The following TRPV4 variants were observed in gnomAD, a reference collection of about 807,000 sequenced individuals.
TRPV4 encodes OSM9-like transient receptor potential channel 4.
TRPV4 carries 58 observed loss-of-function variants against 84.1 expected under a neutral mutation model. The ratio of observed to expected loss-of-function variants is 0.69; its 90% CI spans 0.56 to 0.86. The LOEUF (loss-of-function observed/expected upper bound fraction) is 0.86, where lower values mean the gene tolerates loss of function less well. Among genes scored for constraint, TRPV4 ranks in the 40% least tolerant of loss-of-function variants. The pLI is 0.00. For missense variants in TRPV4, 879 were observed against 1,181.1 expected (o/e 0.74, Z 3.75); for synonymous variants, 489 against 500.9 (o/e 0.98, Z 0.32).
At position 109,799,001 on chromosome 12, in the gene TRPV4, C is replaced by T. The variant is rs892271449; in HGVS notation, c.854-89G>A. The T allele has an allele frequency of 1.3e-4, 169 of 1,280,974 alleles. 1 individual carries two copies. In the Middle Eastern group the frequency reaches 3.1e-3, roughly 23 times the overall value. 79.4% of individuals were successfully genotyped at this position (1,280,974 alleles called of 1,614,324 possible). ...GACACTCGGGGGACGGACACCGTGG[C>T]GCTCTGAGGATAATGACGGAGACAG... On this transcript the variant is annotated intron_variant, in intron 5 of 15. Transcript: ENST00000261740.
intron 1 of TRPV4, among the ~76,000 whole-genome samples, chr12:109,829,036 T>C (rs990152316): frequency 5.9e-5 from 9 of 151,962 alleles, no homozygotes; most frequent in African/African-American, 2.2e-4. Context: ...ACCTTTTTTT[T>C]TAATAAGCTG....
intron 3 of TRPV4, among the ~76,000 whole-genome samples, chr12:109,807,564 A>G (rs996619251): frequency 6.6e-6 from 1 of 151,980 alleles, no homozygotes; most frequent in African/African-American, 2.4e-5. Flanking sequence ...ACACTTCTTG[A>G]CATGGTATCT....
At position 109,784,301 on chromosome 12, in the gene TRPV4, C is replaced by A. The variant is rs372913114; in HGVS notation, c.2458+15G>T. 1 of 1,614,058 alleles carries A rather than the reference C, an allele frequency of 6.2e-7. No individual in the cohort carries two copies. Among genetic ancestry groups the A allele is most frequent in the Non-Finnish European group, 8.5e-7 (1 of 1,179,984 alleles). ...ATGGACTGGGGCTCCCCTCCGCACCCGCCCCTCCACTCACCCCTGCGGAGG... is the reference window on the plus strand; with the variant it reads ...ATGGACTGGGGCTCCCCTCCGCACCAGCCCCTCCACTCACCCCTGCGGAGG... On this transcript the variant is annotated intron_variant, in intron 15 of 15. Transcript: ENST00000261740.
At position 109,815,492 on chromosome 12, in the gene TRPV4, T is replaced by C. The variant is rs1891802394; in HGVS notation, c.-31-665A>G. On this transcript the variant is annotated intron_variant, in intron 1 of 15. Coordinates refer to ENST00000261740, the MANE Select transcript of TRPV4 (RefSeq NM_021625.5). The surrounding 1 kb of genome is among the most constrained non-coding windows in gnomAD (Gnocchi z 4.1). ...GAACAGGAAACTGAGGCTCCAATACTTGAGTTGACTTCCCCAGTGCACAAA... is the reference window on the plus strand; with the variant it reads ...GAACAGGAAACTGAGGCTCCAATACCTGAGTTGACTTCCCCAGTGCACAAA... 6.6e-6 allele frequency among the ~76,000 whole-genome samples: 1 copy of C among 152,216 alleles called. No individual in the cohort carries two copies. The highest frequency in any genetic ancestry group is 1.5e-5 in the Non-Finnish European group (1 of 68,046).
At chr12:109,797,600 C>T (rs1046885849) in intron 6 of TRPV4, among the ~76,000 whole-genome samples, 33 of 152,164 alleles carry the variant, frequency 2.2e-4, no homozygotes, top group African/African-American at 7.7e-4. Flanking sequence ...ATTACAGACA[C>T]GAGCCACTGA....
At chr12:109,791,629 C>T (rs117145318) in intron 12 of TRPV4, among the ~76,000 whole-genome samples, 2 of 150,834 alleles carry the variant, frequency 1.3e-5, no homozygotes, top group African/African-American at 2.4e-5. Flanking sequence ...TCTATAGTTG[C>T]GCGCCACCAT....
At chr12:109,792,585 G>A in intron 11 of TRPV4, 67 bp downstream of exon 11, 1 of 1,601,392 alleles carries the variant, frequency 6.2e-7, no homozygotes, top group Non-Finnish European at 8.6e-7. Flanking sequence ...GTGCATAAGT[G>A]TGCATGTGGT....
chr12:109,814,323 G>T lies in TRPV4; in HGVS notation c.386+88C>A. 1 of 1,448,006 alleles carries T rather than the reference G, an allele frequency of 6.9e-7. No homozygotes were observed. The highest frequency in any genetic ancestry group is 1.2e-5 in the South Asian group (1 of 82,404). The allele number at this position is 1,448,006 out of a possible 1,614,324, so 89.7% of individuals were successfully genotyped here. A position where few individuals can be genotyped will look rare whatever the true frequency, so the allele number is the denominator to read the frequency against. On this transcript the variant is annotated intron_variant, in intron 2 of 15. Transcript: ENST00000261740. This position sits in a 1 kb window ranked among gnomAD's most constrained non-coding sequence, Gnocchi z 5.4. The stretch of plus-strand genomic sequence containing the variant: ...TGGATGGATGGATGAATCGACGGAT[G>T]GGTGGATAATAGATAGAGGGGTGGA...
rs375851168 is a variant in TRPV4, at chr12:109,784,349, C to T, written c.2425G>A (p.Gly809Ser). The T allele has an allele frequency of 1.2e-6, 2 of 1,614,090 alleles. No homozygotes were observed. Among genetic ancestry groups the T allele is most frequent in the African/African-American group, 2.7e-5 (2 of 74,926 alleles). The change falls in exon 15 of 16, where the codon GGC becomes AGC. Residue 809 changes from glycine (G) to serine (S), a missense_variant. Coordinates refer to ENST00000261740, the MANE Select transcript of TRPV4 (RefSeq NM_021625.5). ...AGGCGGCCCACGGTATGCGAGAAGCCATAATACTGGTAGGTCTCATTCTTG... is the reference window on the plus strand; with the variant it reads ...AGGCGGCCCACGGTATGCGAGAAGCTATAATACTGGTAGGTCTCATTCTTG... ...PGKNETYQYY[G>S]FSHTVGRLRR... is the part of the protein sequence containing the mutation.
intron 4 of TRPV4, among the ~76,000 whole-genome samples, chr12:109,802,038 A>G (rs912183404): frequency 3.3e-5 from 5 of 151,960 alleles, no homozygotes; most frequent in Admixed American, 2.6e-4. Flanking sequence ...ACTTATTATC[A>G]TAGAGCCTTA....
At chr12:109,791,641 C>G (rs1337501475) in intron 12 of TRPV4, among the ~76,000 whole-genome samples, 5 of 150,720 alleles carry the variant, frequency 3.3e-5, no homozygotes, top group Admixed American at 2.6e-4. Context: ...CGCCACCATG[C>G]CTGTCTAATT....
intron 1 of TRPV4, among the ~76,000 whole-genome samples, chr12:109,827,662 A>G (rs367778325): frequency 1.7e-4 from 26 of 152,062 alleles, no homozygotes; most frequent in African/African-American, 6.3e-4. Context: ...AAACATACAC[A>G]CACATACACA....
intron 2 of TRPV4, among the ~76,000 whole-genome samples, chr12:109,813,976 G>A (rs1266692297): frequency 6.6e-6 from 1 of 151,940 alleles, no homozygotes; most frequent in African/African-American, 2.4e-5. Context: ...TAGATGAATG[G>A]ATGGATGATG....
intron 4 of TRPV4, among the ~76,000 whole-genome samples, chr12:109,801,706 G>A (rs995293303): frequency 5.3e-5 from 8 of 152,008 alleles, no homozygotes; most frequent in East Asian, 1.9e-4. Flanking sequence ...GGTCCATGCC[G>A]GTGGTCCCAG....
intron 1 of TRPV4, among the ~76,000 whole-genome samples, chr12:109,825,414 A>G (rs1892225308): frequency 6.6e-6 from 1 of 152,108 alleles, no homozygotes; most frequent in African/African-American, 2.4e-5. Context: ...CGTAGCAATT[A>G]TTACCCCCAT....
chr12:109,792,310 G>A lies in TRPV4; in HGVS notation c.1891+53C>T. 8 of 1,302,370 alleles carry A rather than the reference G, an allele frequency of 6.1e-6. No individual in the cohort carries two copies. The South Asian group carries it at 9.4e-5, about 15-fold the overall frequency. 80.7% of individuals were successfully genotyped at this position (1,302,370 alleles called of 1,614,324 possible). A position where few individuals can be genotyped will look rare whatever the true frequency, so the allele number is the denominator to read the frequency against. On this transcript the variant is annotated intron_variant, in intron 12 of 15. Coordinates refer to ENST00000261740, the MANE Select transcript of TRPV4 (RefSeq NM_021625.5). Reference sequence around the variant, plus strand: ...TTGTCCCCTATACATCATGGCTACTGTTCCCGTCCTTGCACCACCCCTGCC... The same window carrying A: ...TTGTCCCCTATACATCATGGCTACTATTCCCGTCCTTGCACCACCCCTGCC...
chr12:109,797,390 G>A (rs914524758), intron 6 of TRPV4, among the ~76,000 whole-genome samples: 10 of 152,134 alleles, frequency 6.6e-5, no homozygotes, highest in African/African-American at 1.2e-4. Flanking sequence ...CTGACCTCAG[G>A]TGATCCGCCC....
At chr12:109,791,855 G>C (rs1285689721) in intron 12 of TRPV4, among the ~76,000 whole-genome samples, 1 of 151,980 alleles carries the variant, frequency 6.6e-6, no homozygotes, top group African/African-American at 2.4e-5. Context: ...TTCTATAATA[G>C]GGGATAATAA....
chr12:109,806,366 T>TA (rs1891126730), intron 3 of TRPV4, among the ~76,000 whole-genome samples: 1 of 144,014 alleles, frequency 6.9e-6, no homozygotes, highest in African/African-American at 2.7e-5. Context: ...GGCTTTTTTT[T>TA]TTTTTTTTTT....
Sources: gnomAD v4.1 joint callset for allele counts (sites outside exome capture counted in the v4.1 genomes callset) on GRCh38, gnomAD v4.1.1 for gene constraint, Gnocchi (gnomAD v3.1) non-coding constraint, MANE v1.5 for transcripts, NCBI Gene and HGNC (gene_info 2026-07-23, HGNC 2026-07-21) for gene names.